STPG2: variants seen among roughly 807,000 people sequenced by gnomAD.
The protein encoded by STPG2 is sperm tail PG-rich repeat containing 2, also known as sperm-tail PG-rich repeat-containing protein 2.
A neutral mutation model predicts 54.2 loss-of-function variants in STPG2; 56 were observed. The ratio of observed to expected loss-of-function variants is 1.03; its 90% CI spans 0.83 to 1.29. STPG2 has a LOEUF of 1.29. Among genes scored for constraint, STPG2 ranks in the 50% most tolerant of loss-of-function variants. The pLI is 0.00. For synonymous variants in STPG2, 200 were observed against 181.8 expected, an observed-to-expected ratio of 1.10 and a Z score of -0.81; for missense variants, 596 against 544.9, an observed-to-expected ratio of 1.09 and a Z score of -0.93.
At chr4:97,958,281 G>C (rs1289018580) in intron 7 of STPG2, among the ~76,000 whole-genome samples, 1 of 151,618 alleles carries the variant, frequency 6.6e-6, no homozygotes, top group Non-Finnish European at 1.5e-5. Flanking sequence ...CTGCACTCCA[G>C]CCTGAGTGAG....
At chr4:97,952,022 T>C (rs1446976634) in intron 7 of STPG2, among the ~76,000 whole-genome samples, 2 of 151,996 alleles carry the variant, frequency 1.3e-5, no homozygotes, top group East Asian at 3.9e-4. Flanking sequence ...CAATCCACAT[T>C]CCAGACACAC....
intron 4 of STPG2, among the ~76,000 whole-genome samples, chr4:97,444,128 G>T (rs995356456): frequency 2.5e-4 from 38 of 152,020 alleles, no homozygotes; most frequent in Non-Finnish European, 2.9e-5. Flanking sequence ...AAAAAGAAAA[G>T]AGAATCTATA....
chr4:97,741,157 C>T (rs1242548517), intron 9 of STPG2, among the ~76,000 whole-genome samples: 1 of 152,092 alleles, frequency 6.6e-6, no homozygotes, highest in African/African-American at 2.4e-5. Flanking sequence ...ACTGGCTAGC[C>T]ATATGTAGAA....
rs540558609 is a variant in STPG2 at position 97,585,041 on chromosome 4, C to T, written c.1321-25924G>A. The stretch of plus-strand genomic sequence containing the variant: ...AGCCAGTATTCCCCTAATACTAAAA[C>T]CAGGAAAGGACATAAAAGTCCCCCT... On this transcript the variant is annotated intron_variant, in intron 10 of 10. Transcript: ENST00000295268. Among the ~76,000 whole-genome samples the T allele has an allele frequency of 1.1e-3, 136 of 124,746 alleles. 1 individual carries two copies. Among genetic ancestry groups the T allele is most frequent in the African/African-American group, 4.0e-3 (134 of 33,606 alleles). The allele number at this position is 124,746 out of a possible 152,430, so 81.8% of individuals were successfully genotyped here. A position where few individuals can be genotyped will look rare whatever the true frequency, so the allele number is the denominator to read the frequency against.
At position 97,943,999 on chromosome 4, in the gene STPG2, C is replaced by T. The variant is rs1009086887; in HGVS notation, c.942G>A (p.Trp314Ter). The T allele has an allele frequency of 4.4e-6, 7 of 1,607,180 alleles. No individual in the cohort carries two copies. Among genetic ancestry groups the T allele is most frequent in the African/African-American group, 1.3e-5 (1 of 74,488 alleles). ...TPGPADYQEF[W>*]HSQGVGISDE... ...CAGAAATTCCCACACCCTGTGAATG[C>T]CAAAATTCCTGTTGAAAGAAGGGGT... The change falls in exon 8 of 11, where the codon TGG (tryptophan) becomes TGA (stop). Residue 314 changes from tryptophan to a stop codon, truncating the protein, a stop_gained. Coordinates refer to ENST00000295268, the MANE Select transcript of STPG2 (RefSeq NM_174952.3). LOFTEE classifies it high-confidence loss of function.
intron 4 of STPG2, among the ~76,000 whole-genome samples, chr4:97,449,361 A>G (rs890950317): frequency 5.3e-5 from 8 of 152,148 alleles, no homozygotes; most frequent in African/African-American, 1.9e-4. Flanking sequence ...TTATCTGCCT[A>G]TTTTCCTACT....
intron 8 of STPG2, among the ~76,000 whole-genome samples, chr4:97,862,110 T>A (rs1002791778): frequency 6.6e-6 from 1 of 151,966 alleles, no homozygotes; most frequent in Non-Finnish European, 1.5e-5. Context: ...ATTACCCAAT[T>A]AAAAGACACA....
intron 4 of STPG2, 81 bp from the exon 5 acceptor site, chr4:98,106,145 C>T: frequency 1.0e-6 from 1 of 972,532 alleles, no homozygotes; most frequent in South Asian, 1.9e-5. Flanking sequence ...ATTCTTTCTA[C>T]AGCAACATGT....
chr4:97,737,431 C>A (rs1261428816), intron 9 of STPG2, among the ~76,000 whole-genome samples: 2 of 152,024 alleles, frequency 1.3e-5, no homozygotes, highest in Admixed American at 1.3e-4. Context: ...GGAGGAAATT[C>A]AAATCAAAGG....
In STPG2 at chr4:97,664,820, C is replaced by T. The variant is rs191879186; in HGVS notation, c.1320+47879G>A. Among the ~76,000 whole-genome samples, 19 of 152,120 alleles carry T rather than the reference C, an allele frequency of 1.2e-4. 1 individual carries two copies. In the East Asian group the frequency reaches 2.9e-3, roughly 23 times the overall value. On this transcript the variant is annotated intron_variant, in intron 10 of 10. Coordinates refer to ENST00000295268, the MANE Select transcript of STPG2 (RefSeq NM_174952.3). ...CCAAGTTTTGCTCAGGTCTGCTGGG[C>T]CCACTCGGCTGGGCAGGCTGTATTT...
chr4:98,099,742 A>G (rs2110134459), intron 5 of STPG2, among the ~76,000 whole-genome samples: 1 of 152,306 alleles, frequency 6.6e-6, no homozygotes, highest in South Asian at 2.1e-4. Flanking sequence ...CCATAAAAAT[A>G]TATATACCTG....
At chr4:97,536,986 G>C (rs1326711786) in intron 4 of STPG2, among the ~76,000 whole-genome samples, 1 of 152,258 alleles carries the variant, frequency 6.6e-6, no homozygotes, top group South Asian at 2.1e-4. Context: ...AAGAGCTTGT[G>C]TAAATATATT....
chr4:97,916,465 T>C (rs759901874), intron 8 of STPG2: 6 of 152,648 alleles, frequency 3.9e-5, no homozygotes, highest in Non-Finnish European at 8.8e-5. Flanking sequence ...GATGCGCCCT[T>C]GTTGGCAGTA....
At chr4:97,732,035 A>G (rs1335494080) in intron 9 of STPG2, among the ~76,000 whole-genome samples, 1 of 152,180 alleles carries the variant, frequency 6.6e-6, no homozygotes, top group African/African-American at 2.4e-5. Context: ...ACAGACAGGT[A>G]AGCATGAAGA....
intron 9 of STPG2, among the ~76,000 whole-genome samples, chr4:97,806,919 C>T (rs1014252663): frequency 1.3e-5 from 2 of 152,106 alleles, no homozygotes; most frequent in African/African-American, 4.8e-5. Flanking sequence ...GCCTTACTGA[C>T]TTCTTTCTCC....
intron 4 of STPG2, among the ~76,000 whole-genome samples, chr4:97,546,125 G>A (rs998315884): frequency 6.6e-6 from 1 of 151,612 alleles, no homozygotes; most frequent in Non-Finnish European, 1.5e-5. Context: ...GAAAAGCAAT[G>A]AGAACTACTA....
At chr4:97,487,095 G>T (rs532916360) in intron 4 of STPG2, among the ~76,000 whole-genome samples, 1 of 151,400 alleles carries the variant, frequency 6.6e-6, no homozygotes, top group Middle Eastern at 3.4e-3. Context: ...GGACTTGGGA[G>T]GAAGGGTGGG....
chr4:98,042,804 T>A (rs1194062086), intron 5 of STPG2, among the ~76,000 whole-genome samples: 1 of 152,084 alleles, frequency 6.6e-6, no homozygotes, highest in Non-Finnish European at 1.5e-5. Flanking sequence ...AATATTCTAT[T>A]AGGTCCATTT....
intron 9 of STPG2, among the ~76,000 whole-genome samples, chr4:97,722,966 T>TTAA (rs778038785): frequency 3.9e-5 from 1 of 25,830 alleles, no homozygotes; most frequent in East Asian, 7.9e-4. Flanking sequence ...CCCGGCTAAT[T>TTAA]TTTTTTTTTT....
Sources: gnomAD v4.1 joint callset for allele counts (sites outside exome capture counted in the v4.1 genomes callset) on GRCh38, gnomAD v4.1.1 for gene constraint, MANE v1.5 for transcripts, NCBI Gene and HGNC (gene_info 2026-07-23, HGNC 2026-07-21) for gene names.